The following ZDHHC21 variants were observed in gnomAD, a reference collection of about 807,000 sequenced individuals.
ZDHHC21 encodes zDHHC palmitoyltransferase 21, also known as palmitoyltransferase ZDHHC21.
A neutral mutation model predicts 34.6 loss-of-function variants in ZDHHC21; 15 were observed. The observed-to-expected ratio is 0.43, with a 90% confidence interval of 0.29 to 0.67. The LOEUF (loss-of-function observed/expected upper bound fraction) is 0.67, where lower values mean the gene tolerates loss of function less well. Ranked by LOEUF, ZDHHC21 falls within the 30% of genes least tolerant of loss-of-function variation. The pLI is 0.14. For missense variants in ZDHHC21, 344 were observed against 327.7 expected, an observed-to-expected ratio of 1.05 and a Z score of -0.38; for synonymous variants, 142 against 101.8, an observed-to-expected ratio of 1.40 and a Z score of -2.38.
intron 8 of ZDHHC21, among the ~76,000 whole-genome samples, chr9:14,638,281 GA>G (rs1259728240): frequency 2.0e-5 from 3 of 151,748 alleles, no homozygotes; most frequent in African/African-American, 4.8e-5. Context: ...TACATTGGGG[GA>G]AAAAAACAGT....
intron 5 of ZDHHC21, among the ~76,000 whole-genome samples, chr9:14,663,492 G>A (rs1436092048): frequency 1.5e-5 from 2 of 135,010 alleles, no homozygotes; most frequent in African/African-American, 2.8e-5. Flanking sequence ...TCAGATTACA[G>A]ATTTTTTTTT....
intron 7 of ZDHHC21, among the ~76,000 whole-genome samples, chr9:14,650,885 C>G (rs1831127971): frequency 6.6e-6 from 1 of 151,962 alleles, no homozygotes; most frequent in Admixed American, 6.6e-5. Context: ...CCTTCTGTCA[C>G]CCACTGCTCT....
At chr9:14,684,098 C>A (rs1020880043) in intron 2 of ZDHHC21, among the ~76,000 whole-genome samples, 5 of 152,010 alleles carry the variant, frequency 3.3e-5, no homozygotes, top group Admixed American at 6.6e-5. Context: ...CAATATCATA[C>A]TGAATGGGCA....
chr9:14,680,362 G>C (rs1193454086), intron 2 of ZDHHC21, among the ~76,000 whole-genome samples, 200 bp from the exon 3 acceptor site: 2 of 152,098 alleles, frequency 1.3e-5, no homozygotes, highest in African/African-American at 4.8e-5. Flanking sequence ...ATATCTGAGA[G>C]TCTTTTAAAA....
At chr9:14,627,303 T>C (rs1826443930) in intron 8 of ZDHHC21, among the ~76,000 whole-genome samples, 1 of 152,126 alleles carries the variant, frequency 6.6e-6, no homozygotes, top group Non-Finnish European at 1.5e-5. Flanking sequence ...CTGTCACCCC[T>C]GCATTTATGA....
intron 2 of ZDHHC21, among the ~76,000 whole-genome samples, chr9:14,682,881 A>G (rs1047316296): frequency 6.6e-6 from 1 of 152,206 alleles, no homozygotes; most frequent in Non-Finnish European, 1.5e-5. Context: ...GGATTAAGAA[A>G]CTCACTCAAA....
At chr9:14,593,918 G>A in the ZDHHC21 span, 1 of 152,260 alleles carries the variant, frequency 6.6e-6, no homozygotes, top group African/African-American at 2.4e-5. Context: ...CCACTAACTG[G>A]GAGCAGGAGG....
rs143588638 is a variant in ZDHHC21, at chr9:14,612,843, T to TACACACACACAC, written c.*6111_*6122dup. ...ATTATTCTTTAAAGCCACTAAAGAT[T>TACACACACACAC]ACACACACACACACACACACACACA... On this transcript the variant is annotated 3_prime_UTR_variant, in exon 10 of 10. Coordinates refer to ENST00000380916, the MANE Select transcript of ZDHHC21 (RefSeq NM_178566.6). 186 of 143,338 alleles carry TACACACACACAC rather than the reference T, an allele frequency of 1.3e-3. 3 individuals are homozygous for TACACACACACAC. The highest frequency in any genetic ancestry group is 4.4e-3 in the African/African-American group (170 of 38,780). The allele number at this position is 143,338 out of a possible 1,614,324, so 8.9% of individuals were successfully genotyped here. A position where few individuals can be genotyped will look rare whatever the true frequency, so the allele number is the denominator to read the frequency against.
rs779941567 is a variant in ZDHHC21, at chr9:14,613,327, G to C, written c.*5639C>G. 6.6e-6 allele frequency: 1 copy of C among 151,856 alleles called. No homozygotes were observed. The highest frequency in any genetic ancestry group is 1.5e-5 in the Non-Finnish European group (1 of 67,860). The allele number at this position is 151,856 out of a possible 1,614,324, so 9.4% of individuals were successfully genotyped here. On this transcript the variant is annotated 3_prime_UTR_variant, in exon 10 of 10. Transcript: ENST00000380916. ...ACTCTTTGGTACAGGAATTAAAAAT[G>C]TCACTCAATGCTAAAGTGAATAGCA...
chr9:14,606,851 A>C (rs1823029055), downstream of ZDHHC21, among the ~76,000 whole-genome samples: 1 of 152,098 alleles, frequency 6.6e-6, no homozygotes, highest in Admixed American at 6.5e-5. Context: ...GAGAAAAAAA[A>C]CCAGACGTTC....
intron 7 of ZDHHC21, among the ~76,000 whole-genome samples, 172 bp downstream of exon 7, chr9:14,658,577 T>C (rs1443051650): frequency 7.3e-6 from 1 of 136,544 alleles, no homozygotes; most frequent in Non-Finnish European, 1.5e-5. Context: ...GTTCACGCCA[T>C]TCTCCTGCCT....
chr9:14,664,094 G>A (rs1297312940), intron 5 of ZDHHC21, among the ~76,000 whole-genome samples: 2 of 152,114 alleles, frequency 1.3e-5, no homozygotes, highest in African/African-American at 4.8e-5. Flanking sequence ...TCCATCTGAG[G>A]TACCGGGTTC....
intron 5 of ZDHHC21, among the ~76,000 whole-genome samples, chr9:14,670,617 C>G (rs1440375743): frequency 6.6e-6 from 1 of 152,018 alleles, no homozygotes; most frequent in East Asian, 1.9e-4. Context: ...ATTTGCTAAT[C>G]TATGGTCTGG....
intron 5 of ZDHHC21, among the ~76,000 whole-genome samples, chr9:14,664,380 T>G (rs1302365700): frequency 6.6e-6 from 1 of 151,000 alleles, no homozygotes; most frequent in Non-Finnish European, 1.5e-5. Context: ...TCTCGCTGAT[T>G]GCTAGCACAG....
chr9:14,632,064 A>AAC (rs760320176), intron 8 of ZDHHC21, among the ~76,000 whole-genome samples: 17,145 of 135,096 alleles, frequency 0.13, 1,018 homozygotes, highest in Middle Eastern at 0.15. Flanking sequence ...AACACACACA[A>AAC]ACACACACAC....
chr9:14,664,632 T>A (rs1401983475), intron 5 of ZDHHC21, among the ~76,000 whole-genome samples: 1 of 150,618 alleles, frequency 6.6e-6, no homozygotes, highest in East Asian at 2.0e-4. Flanking sequence ...AGAGCAGTGG[T>A]TCTCCCTGCA....
At chr9:14,673,260 A>G (rs890107289) in intron 4 of ZDHHC21, among the ~76,000 whole-genome samples, 4 of 152,028 alleles carry the variant, frequency 2.6e-5, no homozygotes, top group African/African-American at 7.2e-5. Flanking sequence ...TGCATGTTCT[A>G]TATTTGAAAG....
At chr9:14,650,445 A>T (rs1415477141) in intron 7 of ZDHHC21, among the ~76,000 whole-genome samples, 10 of 151,960 alleles carry the variant, frequency 6.6e-5, no homozygotes, top group Non-Finnish European at 1.3e-4. Context: ...AAAAAGCTAA[A>T]TGTGTATTTT....
chr9:14,605,204 A>AT, the ZDHHC21 span, among the ~76,000 whole-genome samples: 46,612 of 147,056 alleles, frequency 0.32, 7,287 homozygotes, highest in Middle Eastern at 0.39. Context: ...TCCTGGTTTC[A>AT]TTTTTTTTTT....
Sources: gnomAD v4.1 joint callset for allele counts (sites outside exome capture counted in the v4.1 genomes callset) on GRCh38, gnomAD v4.1.1 for gene constraint, MANE v1.5 for transcripts, NCBI Gene and HGNC (gene_info 2026-07-23, HGNC 2026-07-21) for gene names.